Variants in TRPM3 observed in about 807,000 individuals in gnomAD.
TRPM3 encodes transient receptor potential cation channel subfamily M member 3.
In TRPM3, 77 loss-of-function variants were observed where a neutral mutation model predicts 181.2. The ratio of observed to expected loss-of-function variants is 0.42; its 90% CI spans 0.35 to 0.51. The LOEUF is 0.51. Among genes scored for constraint, TRPM3 ranks in the 20% least tolerant of loss-of-function variants. TRPM3 has a pLI of 0.01. For missense variants in TRPM3, 1,759 were observed against 2,196.7 expected (o/e 0.80, Z 3.98); for synonymous variants, 745 against 796.4 (o/e 0.94, Z 1.09).
chr9:70,565,209 C>T (rs17055309), intron 22 of TRPM3, among the ~76,000 whole-genome samples: 4,102 of 152,264 alleles, frequency 0.027, 165 homozygotes, highest in East Asian at 0.098. Context: ...GGGCTAACAA[C>T]GTTATTCTTT....
chr9:71,236,277 C>T (rs112928931), intron 1 of TRPM3, among the ~76,000 whole-genome samples: 4 of 152,236 alleles, frequency 2.6e-5, no homozygotes, highest in African/African-American at 7.2e-5. Context: ...ATTCTCTGGA[C>T]ATTAGTTTTC....
chr9:71,142,545 C>T (rs1422858863), intron 1 of TRPM3, among the ~76,000 whole-genome samples: 1 of 152,052 alleles, frequency 6.6e-6, no homozygotes, highest in Non-Finnish European at 1.5e-5. Context: ...CACACATACA[C>T]ACACATATAT....
rs78461560 is a variant in TRPM3 at position 70,803,033 on chromosome 9, T to TAAAAAAAAA, written c.974-18763_974-18755dup. On this transcript the variant is annotated intron_variant, in intron 6 of 25. Coordinates refer to ENST00000677713, the MANE Select transcript of TRPM3 (RefSeq NM_001366145.2). ...ACAGAACTTGCCTGGAGAAATTTTG[T>TAAAAAAAAA]AAAAAAAAAAAAAAAAAAAAAAAAA... Among the ~76,000 whole-genome samples the TAAAAAAAAA allele has an allele frequency of 2.1e-3, 90 of 42,882 alleles. 9 individuals carry two copies. Among genetic ancestry groups the TAAAAAAAAA allele is most frequent in the African/African-American group, 4.3e-3 (50 of 11,616 alleles). 28.1% of individuals were successfully genotyped at this position (42,882 alleles called of 152,430 possible).
chr9:71,152,479 G>T (rs117579001), intron 1 of TRPM3, among the ~76,000 whole-genome samples: 1,567 of 152,052 alleles, frequency 0.01, 13 homozygotes, highest in Non-Finnish European at 0.015. Flanking sequence ...TTAAAAAAGG[G>T]TTCTATTTTC....
intron 1 of TRPM3, among the ~76,000 whole-genome samples, chr9:71,428,769 C>A (rs922126346): frequency 6.6e-6 from 1 of 151,958 alleles, no homozygotes; most frequent in African/African-American, 2.4e-5. Context: ...AGAGCAACAA[C>A]GAAAATGGAT....
intron 21 of TRPM3, among the ~76,000 whole-genome samples, chr9:70,594,695 A>G (rs1317657754): frequency 2.0e-5 from 3 of 152,206 alleles, no homozygotes; most frequent in Non-Finnish European, 4.4e-5. Flanking sequence ...GCAAAGACTC[A>G]TAGTACCAAT....
intron 24 of TRPM3, 32 bp downstream of exon 24, chr9:70,552,812 T>G (rs201254465): frequency 1.2e-6 from 2 of 1,611,188 alleles, no homozygotes; most frequent in Non-Finnish European, 1.7e-6. Flanking sequence ...GATTTCTGAT[T>G]TGTGGCAGCT....
At chr9:70,544,509 G>A (rs1160896695) in intron 25 of TRPM3, among the ~76,000 whole-genome samples, 2 of 152,120 alleles carry the variant, frequency 1.3e-5, no homozygotes, top group Admixed American at 1.3e-4. Context: ...TTAACCAAAG[G>A]AGAGATGGTA....
chr9:71,188,566 C>A (rs2077823993), intron 1 of TRPM3, among the ~76,000 whole-genome samples: 1 of 151,806 alleles, frequency 6.6e-6, no homozygotes, highest in South Asian at 2.1e-4. Context: ...AATACTCAAC[C>A]ACTGAGTTTG....
chr9:71,423,969 A>G (rs1298668903), intron 1 of TRPM3, among the ~76,000 whole-genome samples: 1 of 152,132 alleles, frequency 6.6e-6, no homozygotes, highest in Non-Finnish European at 1.5e-5. Flanking sequence ...AAATGGCTGA[A>G]TGATGTCAGG....
intron 8 of TRPM3, among the ~76,000 whole-genome samples, chr9:70,737,620 A>C (rs1441705943): frequency 7.6e-6 from 1 of 131,862 alleles, no homozygotes; most frequent in African/African-American, 2.9e-5. Context: ...TGTTATCTTC[A>C]AGAGACTCAC....
chr9:70,857,992 G>A (rs2095429631), intron 3 of TRPM3, among the ~76,000 whole-genome samples: 1 of 152,112 alleles, frequency 6.6e-6, no homozygotes, highest in South Asian at 2.1e-4. Flanking sequence ...CACACAGAGT[G>A]CTCCTGAGCA....
intron 1 of TRPM3, among the ~76,000 whole-genome samples, chr9:71,019,294 G>A (rs1285399199): frequency 6.6e-6 from 1 of 151,832 alleles, no homozygotes; most frequent in Non-Finnish European, 1.5e-5. Flanking sequence ...AAGAATATTG[G>A]AAAGGAACTA....
chr9:70,738,241 T>C (rs936677297), intron 8 of TRPM3, among the ~76,000 whole-genome samples: 1 of 152,104 alleles, frequency 6.6e-6, no homozygotes, highest in Non-Finnish European at 1.5e-5. Context: ...TGCATGTACA[T>C]GGAAATTAAA....
At chr9:70,979,944 A>G (rs1590254478) in intron 1 of TRPM3, among the ~76,000 whole-genome samples, 1 of 152,006 alleles carries the variant, frequency 6.6e-6, no homozygotes, top group East Asian at 1.9e-4. Context: ...TTATGACCTC[A>G]TTAGCCTTAA....
intron 1 of TRPM3, among the ~76,000 whole-genome samples, chr9:71,260,773 T>A (rs1441925080): frequency 6.6e-6 from 1 of 152,146 alleles, no homozygotes; most frequent in Non-Finnish European, 1.5e-5. Flanking sequence ...ACTTAAGGCG[T>A]TTTGGGGCTA....
chr9:71,278,112 C>T (rs73649704), intron 1 of TRPM3, among the ~76,000 whole-genome samples: 2,128 of 152,274 alleles, frequency 0.014, 57 homozygotes, highest in African/African-American at 0.048. Context: ...TGCTTTATTC[C>T]TTGGTCCATG....
At chr9:70,772,471 GC>G (rs1311265674) in intron 7 of TRPM3, among the ~76,000 whole-genome samples, 1 of 151,948 alleles carries the variant, frequency 6.6e-6, no homozygotes, top group African/African-American at 2.4e-5. Context: ...CTCCTGAGAT[GC>G]CACCACACCT....
At chr9:71,127,587 G>C (rs558559588) in intron 1 of TRPM3, among the ~76,000 whole-genome samples, 2 of 152,210 alleles carry the variant, frequency 1.3e-5, no homozygotes, top group Non-Finnish European at 2.9e-5. Flanking sequence ...TAAGAATGGG[G>C]TCTACAATAG....
Sources: allele counts gnomAD v4.1 joint callset (sites outside exome capture counted in the v4.1 genomes callset), GRCh38; gene constraint gnomAD v4.1.1; transcripts MANE v1.5; gene names NCBI Gene and HGNC (gene_info 2026-07-23, HGNC 2026-07-21).